TMEM266: variants seen among roughly 807,000 people sequenced by gnomAD.
The protein encoded by TMEM266 is transmembrane protein 266, also known as Hv1 related protein 1.
TMEM266 carries 33 observed loss-of-function variants against 50.5 expected under a neutral mutation model. The ratio of observed to expected loss-of-function variants is 0.65; its 90% CI spans 0.50 to 0.87. The LOEUF is 0.87. Among genes scored for constraint, TMEM266 ranks in the 40% least tolerant of loss-of-function variants. The pLI is 0.00. For missense variants in TMEM266, 655 were observed against 695.1 expected, an observed-to-expected ratio of 0.94 and a Z score of 0.65; for synonymous variants, 310 against 292.3, an observed-to-expected ratio of 1.06 and a Z score of -0.62.
chr15:76,154,153 A>G lies in TMEM266; in HGVS notation c.228-2451A>G, dbSNP rs149539079. ...GGGCTGCCAACTTTACCAAATAAGA[A>G]TACACGATTCCCAGTTAAATTTGGA... On this transcript the variant is annotated intron_variant, in intron 3 of 10. Coordinates refer to ENST00000388942, the MANE Select transcript of TMEM266 (RefSeq NM_152335.3). Among the ~76,000 whole-genome samples, 13 of 152,358 alleles carry G rather than the reference A, an allele frequency of 8.5e-5. No individual in the cohort carries two copies. The Middle Eastern group carries it at 0.01, about 120-fold the overall frequency.
At chr15:76,163,196 C>A (rs1012961120) in intron 5 of TMEM266, among the ~76,000 whole-genome samples, 1 of 152,200 alleles carries the variant, frequency 6.6e-6, no homozygotes, top group African/African-American at 2.4e-5. Context: ...TCTGCCCCGG[C>A]CTTTGCCCAC....
intron 3 of TMEM266, among the ~76,000 whole-genome samples, chr15:76,143,553 G>A (rs943093604): frequency 1.3e-5 from 2 of 152,082 alleles, no homozygotes; most frequent in Admixed American, 6.5e-5. Flanking sequence ...ACAAGGTCTC[G>A]CCATGTTACC....
intron 1 of TMEM266, among the ~76,000 whole-genome samples, chr15:76,104,958 A>G (rs1185724002): frequency 6.6e-6 from 1 of 150,698 alleles, no homozygotes; most frequent in Non-Finnish European, 1.5e-5. Flanking sequence ...GGTGGCTCAC[A>G]CCTGTAATCC....
intron 3 of TMEM266, 41 bp downstream of exon 3, chr15:76,137,936 G>T (rs746143151): frequency 1.1e-5 from 16 of 1,520,278 alleles, no homozygotes; most frequent in Admixed American, 2.2e-5. Flanking sequence ...AAGTCCCTGG[G>T]TTAGGCTAGG....
rs2037555859 is a variant in TMEM266, at chr15:76,134,198, C to A, written c.-66C>A. ...TATATTTGTATGTGTCTTGTAGAAC[C>A]CACGCTTGGAAATGCTGACAGCAGG... On this transcript the variant is annotated 5_prime_UTR_variant, in exon 2 of 11. Coordinates refer to ENST00000388942, the MANE Select transcript of TMEM266 (RefSeq NM_152335.3). 1.3e-6 allele frequency: 2 copies of A among 1,557,760 alleles called. No homozygotes were observed. Among genetic ancestry groups the A allele is most frequent in the Non-Finnish European group, 1.8e-6 (2 of 1,130,952 alleles).
chr15:76,113,351 AGCAGAGAGAATTCCATAAGCAGAG>A (rs1236441642), intron 1 of TMEM266: 2 of 152,502 alleles, frequency 1.3e-5, no homozygotes, highest in Non-Finnish European at 2.9e-5. Context: ...AGATGTTCCA[AGCAGAGAGAATTCCATAAGCAGAG>A]GCAGAGAGGT....
At chr15:76,170,945 C>T (rs1356072959) in intron 6 of TMEM266, 48 bp from the exon 7 acceptor site, 4 of 1,575,020 alleles carry the variant, frequency 2.5e-6, no homozygotes, top group Non-Finnish European at 3.5e-6. Flanking sequence ...CCCCTGGTCC[C>T]GGACACACGG....
At chr15:76,100,714 CT>C (rs2036988260) in intron 1 of TMEM266, among the ~76,000 whole-genome samples, 2 of 152,172 alleles carry the variant, frequency 1.3e-5, no homozygotes, top group African/African-American at 4.8e-5. Flanking sequence ...TTCGCTGCCC[CT>C]GGGAAAGAAG....
rs2038016161 is a variant in TMEM266, at chr15:76,161,360, T to TGGGAGAGGGTGGCGTG, written c.456+1195_456+1210dup. 6.6e-6 allele frequency among the ~76,000 whole-genome samples: 1 copy of TGGGAGAGGGTGGCGTG among 151,768 alleles called. No homozygotes were observed. Among genetic ancestry groups the TGGGAGAGGGTGGCGTG allele is most frequent in the African/African-American group, 2.4e-5 (1 of 41,314 alleles). The stretch of plus-strand genomic sequence containing the variant: ...GGCCTTGAAGGGAGGAAGGATGCTA[T>TGGGAGAGGGTGGCGTG]GGGAGAGGGTGGCGTGGGCAGAGGC... On this transcript the variant is annotated intron_variant, in intron 5 of 10. Transcript: ENST00000388942. This position sits in a 1 kb window ranked among gnomAD's most constrained non-coding sequence, Gnocchi z 4.1.
chr15:76,071,376 C>T (rs1378971242), intron 1 of TMEM266, among the ~76,000 whole-genome samples: 1 of 152,178 alleles, frequency 6.6e-6, no homozygotes, highest in Non-Finnish European at 1.5e-5. Flanking sequence ...CATTACCCAC[C>T]TACAGCCTGT....
At chr15:76,114,027 T>A (rs1242844016) in intron 1 of TMEM266, 1 of 152,208 alleles carries the variant, frequency 6.6e-6, no homozygotes, top group African/African-American at 2.4e-5. Context: ...AGCTGTCTCT[T>A]CTGCGTCTGC....
At chr15:76,144,439 C>T (rs1215500434) in intron 3 of TMEM266, among the ~76,000 whole-genome samples, 2 of 152,176 alleles carry the variant, frequency 1.3e-5, no homozygotes, top group Non-Finnish European at 2.9e-5. Flanking sequence ...GAAGCTACTG[C>T]TGCCGATGGT....
chr15:76,125,637 C>G (rs770448836), intron 1 of TMEM266, among the ~76,000 whole-genome samples: 2 of 151,982 alleles, frequency 1.3e-5, no homozygotes, highest in Non-Finnish European at 2.9e-5. Context: ...CACCTGAGGT[C>G]AGGAGTTCAA....
chr15:76,156,630 G>A lies in TMEM266; in HGVS notation c.254G>A (p.Gly85Glu), dbSNP rs756338158. Residue 85 changes from glycine to glutamate, a missense_variant, in exon 4 of 11, where the codon GGG (glycine) becomes GAG (glutamate). Gly to Glu is a moderately conservative substitution (Grantham distance 98). Around this residue, in one of 3 missense-constraint regions of TMEM266, gnomAD observed 99 missense variants for 110.8 expected, o/e 0.89. Coordinates refer to ENST00000388942, the MANE Select transcript of TMEM266 (RefSeq NM_152335.3). ...TCTAACTGGCTGAAGCCGTGCTGTGGGAAGAGAGCAGCCGTGTGGCAGGTA... is the reference window on the plus strand; with the variant it reads ...TCTAACTGGCTGAAGCCGTGCTGTGAGAAGAGAGCAGCCGTGTGGCAGGTA... 1 of 1,614,024 alleles carries A rather than the reference G, an allele frequency of 6.2e-7. No individual in the cohort carries two copies. Among genetic ancestry groups the A allele is most frequent in the Non-Finnish European group, 8.5e-7 (1 of 1,180,056 alleles).
chr15:76,177,110 C>G (rs527851307), intron 8 of TMEM266, among the ~76,000 whole-genome samples: 1 of 152,340 alleles, frequency 6.6e-6, no homozygotes, highest in East Asian at 1.9e-4. Context: ...CCTCCTCCCC[C>G]AGCCCTGCAG....
chr15:76,188,079 T>A (rs1388330582), intron 8 of TMEM266, among the ~76,000 whole-genome samples: 3 of 152,000 alleles, frequency 2.0e-5, no homozygotes, highest in Non-Finnish European at 4.4e-5. Context: ...GGAGTATGCC[T>A]TCCCCCCCCA....
chr15:76,100,831 C>T (rs2036989576), intron 1 of TMEM266, among the ~76,000 whole-genome samples: 1 of 152,184 alleles, frequency 6.6e-6, no homozygotes, highest in African/African-American at 2.4e-5. Flanking sequence ...TCATTGTGTT[C>T]AACCCCATGA....
rs539954885 is a variant in TMEM266, at chr15:76,175,415, C to T, written c.653-144C>T. 12 of 631,088 alleles carry T rather than the reference C, an allele frequency of 1.9e-5. No individual in the cohort carries two copies. In the East Asian group the frequency reaches 2.0e-4, roughly 10 times the overall value. The allele number at this position is 631,088 out of a possible 1,614,324, so 39.1% of individuals were successfully genotyped here. ...GCCCTCTGTACTTTCTGGATGCTCT[C>T]GGGTACCTGGACATTTCCCCTTCTA... On this transcript the variant is annotated intron_variant, in intron 7 of 10. Transcript: ENST00000388942.
At chr15:76,088,563 A>G (rs2036804935) in intron 1 of TMEM266, among the ~76,000 whole-genome samples, 1 of 152,178 alleles carries the variant, frequency 6.6e-6, no homozygotes, top group Admixed American at 6.5e-5. Context: ...TTGGGAGGCC[A>G]GGGTGGGTGG....
Sources: allele counts gnomAD v4.1 joint callset (sites outside exome capture counted in the v4.1 genomes callset), GRCh38; gene constraint gnomAD v4.1.1; regional missense constraint gnomAD v4.1.1; non-coding constraint Gnocchi (gnomAD v3.1); transcripts MANE v1.5; gene names NCBI Gene and HGNC (gene_info 2026-07-23, HGNC 2026-07-21).